ABI2: variants seen among roughly 807,000 people sequenced by gnomAD.
The protein encoded by ABI2 is abl interactor 2.
ABI2 carries 25 observed loss-of-function variants against 59.2 expected under a neutral mutation model. The observed-to-expected ratio is 0.42, with a 90% CI of 0.31 to 0.59. The LOEUF (loss-of-function observed/expected upper bound fraction) is 0.59, where lower values mean the gene tolerates loss of function less well. Ranked by LOEUF, ABI2 falls within the 20% of genes least tolerant of loss-of-function variation. The pLI is 0.14. For synonymous variants in ABI2, 213 were observed against 235.5 expected (o/e 0.90, Z 0.87); for missense variants, 545 against 681.8 (o/e 0.80, Z 2.23).
At chr2:203,377,838 C>A (rs758362838) in intron 2 of ABI2, among the ~76,000 whole-genome samples, 6 of 152,062 alleles carry the variant, frequency 3.9e-5, no homozygotes, top group Non-Finnish European at 7.4e-5. Context: ...CCTGAGAGGT[C>A]GAGGATGCAG....
intron 1 of ABI2, among the ~76,000 whole-genome samples, chr2:203,350,749 A>G (rs2087513905): frequency 6.6e-6 from 1 of 151,188 alleles, no homozygotes; most frequent in Non-Finnish European, 1.5e-5. Context: ...CATCTTGGCC[A>G]GGCTGGTCTC....
At chr2:203,395,873 A>AT (rs1374558152) in intron 7 of ABI2, 93 bp downstream of exon 7, 39 of 1,361,112 alleles carry the variant, frequency 2.9e-5, no homozygotes, top group South Asian at 5.4e-5. Context: ...CGTAATCAGG[A>AT]TTTTTTTTCT....
intron 10 of ABI2, among the ~76,000 whole-genome samples, chr2:203,415,734 A>G (rs1481015622): frequency 6.6e-6 from 1 of 152,110 alleles, no homozygotes; most frequent in Non-Finnish European, 1.5e-5. Flanking sequence ...CTGGTACCTC[A>G]TAAATAAGAA....
Position 203,392,711 on chromosome 2 carries a change from G to GTCAAGA in ABI2, c.578+1569_578+1570insCAAGAT, listed in dbSNP as rs772302856. Among the ~76,000 whole-genome samples, 105 of 152,308 alleles carry GTCAAGA rather than the reference G, an allele frequency of 6.9e-4. 1 individual carries two copies. Among genetic ancestry groups the GTCAAGA allele is most frequent in the Non-Finnish European group, 8.2e-4 (56 of 68,012 alleles). On this transcript the variant is annotated intron_variant, in intron 5 of 11. Coordinates refer to ENST00000261018, the MANE Select transcript of ABI2 (RefSeq NM_001375670.1). ...TCATGTGTAGTGCCTTATGGATTTT[G>GTCAAGA]TTGGGTTTTAAGTCAAGATTGTTAG...
At chr2:203,388,931 T>A (rs545402657) in intron 4 of ABI2, among the ~76,000 whole-genome samples, 13 of 152,292 alleles carry the variant, frequency 8.5e-5, no homozygotes, top group Admixed American at 2.0e-4. Context: ...CCTTCCTGTT[T>A]CTCAGCAAAT....
intron 2 of ABI2, among the ~76,000 whole-genome samples, chr2:203,371,583 T>C (rs1160581680): frequency 6.6e-6 from 1 of 152,186 alleles, no homozygotes; most frequent in Non-Finnish European, 1.5e-5. Context: ...ATCTCTAGCT[T>C]TGTTGCTGTT....
At position 203,393,798 on chromosome 2, in the gene ABI2, A is replaced by G. The variant is rs1379244029; in HGVS notation, c.579-902A>G. Among the ~76,000 whole-genome samples, 6 of 152,328 alleles carry G rather than the reference A, an allele frequency of 3.9e-5. No homozygotes were observed. In the South Asian group the frequency reaches 6.2e-4, roughly 16 times the overall value. ...TTTAGTGACCAAGATCTCATCTACA[A>G]TATGTCAATTGACTGTTTATCATTG... On this transcript the variant is annotated intron_variant, in intron 5 of 11. Coordinates refer to ENST00000261018, the MANE Select transcript of ABI2 (RefSeq NM_001375670.1).
In ABI2 at chr2:203,427,235, A is replaced by C. The variant is rs2098447132; in HGVS notation, c.1512A>C (p.Gly504=). ...DKEDELSFQE[G]AIIYVIKKND... ...AAGATGAGCTGTCCTTTCAGGAAGG[A>C]GCCATTATTTATGTCATCAAGAAGA... Residue 504 remains glycine, a synonymous_variant, in exon 12 of 12, where the codon GGA becomes GGC. Transcript: ENST00000261018. 6.2e-7 allele frequency: 1 copy of C among 1,613,962 alleles called. No homozygotes were observed. Among genetic ancestry groups the C allele is most frequent in the South Asian group, 1.1e-5 (1 of 91,080 alleles).
intron 9 of ABI2, among the ~76,000 whole-genome samples, chr2:203,406,379 G>A (rs532523179): frequency 6.6e-6 from 1 of 152,126 alleles, no homozygotes; most frequent in Non-Finnish European, 1.5e-5. Context: ...GTGAATGTTG[G>A]TTCCAAGAGA....
chr2:203,396,838 C>T lies in ABI2; in HGVS notation c.904C>T (p.Pro302Ser), dbSNP rs1219249654. 2.6e-6 allele frequency: 4 copies of T among 1,535,264 alleles called. No individual in the cohort carries two copies. The highest frequency in any genetic ancestry group is 2.5e-5 in the East Asian group (1 of 40,790). The change falls in exon 8 of 12, where the codon CCT becomes TCT. Residue 302 changes from proline to serine, a missense_variant. Pro to Ser is a moderately conservative substitution (Grantham distance 74, BLOSUM62 -1). Transcript: ENST00000261018. ...PPLPATSASA[P>S]APLVPATVPS... Reference sequence around the variant, plus strand: ...CCTTCCTGCTACTTCTGCATCTGCCCCTGCTCCTCTTGTTCCTGCTACTGT... The same window carrying T: ...CCTTCCTGCTACTTCTGCATCTGCCTCTGCTCCTCTTGTTCCTGCTACTGT...
chr2:203,373,290 G>A (rs908245914), intron 2 of ABI2, among the ~76,000 whole-genome samples: 7 of 152,134 alleles, frequency 4.6e-5, no homozygotes, highest in South Asian at 2.1e-4. Flanking sequence ...GCGAAACCCC[G>A]TCTCCACCAA....
At chr2:203,366,793 G>C in intron 1 of ABI2, 84 bp from the exon 2 acceptor site, 1 of 1,344,596 alleles carries the variant, frequency 7.4e-7, no homozygotes, top group African/African-American at 1.5e-5. Context: ...CAGCAGAATC[G>C]TTGTGATGAG....
chr2:203,377,376 A>C (rs753112382), intron 2 of ABI2, among the ~76,000 whole-genome samples: 3 of 152,194 alleles, frequency 2.0e-5, no homozygotes, highest in Non-Finnish European at 4.4e-5. Flanking sequence ...TAATTCTGTT[A>C]TGGCTGCTCA....
intron 1 of ABI2, among the ~76,000 whole-genome samples, chr2:203,343,086 G>A (rs1335613333): frequency 2.0e-5 from 3 of 152,198 alleles, no homozygotes; most frequent in East Asian, 1.9e-4. Flanking sequence ...AGATTGGGAA[G>A]TGGAGCCTCC....
chr2:203,402,576 G>C lies in ABI2; in HGVS notation c.1034G>C (p.Gly345Ala). 2.0e-6 allele frequency: 3 copies of C among 1,475,162 alleles called. No homozygotes were observed. Among genetic ancestry groups the C allele is most frequent in the Non-Finnish European group, 2.7e-6 (3 of 1,112,664 alleles). 91.4% of individuals were successfully genotyped at this position (1,475,162 alleles called of 1,614,324 possible). ...PPVVSSTPPT[G>A]HPVQFYSMNR... ...TATGTATGTTCTATCTCTTTTTCAG[G>C]TCATCCTGTACAGTTCTACAGCATG... Residue 345 changes from glycine (G) to alanine (A), a missense_variant and splice_region_variant, in exon 9 of 12, where the codon GGT (glycine) becomes GCT (alanine). Physicochemically the swap from Gly to Ala is moderately conservative, Grantham distance 60. This residue lies in a region of ABI2 where 410 missense variants were observed against 435.6 expected (regional missense o/e 0.94). Transcript: ENST00000261018.
intron 2 of ABI2, among the ~76,000 whole-genome samples, chr2:203,368,915 C>T (rs548303996): frequency 6.7e-6 from 1 of 148,592 alleles, no homozygotes; most frequent in Non-Finnish European, 1.5e-5. Context: ...CTCCTGGGCT[C>T]AAGGGATCCT....
chr2:203,333,943 CTT>C (rs1428493426), intron 1 of ABI2, among the ~76,000 whole-genome samples: 4 of 143,410 alleles, frequency 2.8e-5, no homozygotes, highest in Admixed American at 7.0e-5. Context: ...TTTTTTCTTT[CTT>C]TTTTTTTTTT....
At chr2:203,375,891 C>A in intron 2 of ABI2, 2 of 452,458 alleles carry the variant, frequency 4.4e-6, no homozygotes, top group Admixed American at 4.0e-5. Context: ...CCAAATAGAA[C>A]CGTAGCCATT....
chr2:203,420,029 C>T (rs2098129093), intron 11 of ABI2, among the ~76,000 whole-genome samples: 1 of 152,058 alleles, frequency 6.6e-6, no homozygotes, highest in Non-Finnish European at 1.5e-5. Flanking sequence ...TATTGTAATT[C>T]CCATTATATA....
Sources: gnomAD v4.1 joint callset for allele counts (sites outside exome capture counted in the v4.1 genomes callset) on GRCh38, gnomAD v4.1.1 for gene constraint, gnomAD v4.1.1 regional missense constraint, MANE v1.5 for transcripts, NCBI Gene and HGNC (gene_info 2026-07-23, HGNC 2026-07-21) for gene names.